The following RYR2 variants were observed in gnomAD, a reference collection of about 807,000 sequenced individuals.
RYR2 encodes the protein cardiac muscle ryanodine receptor-calcium release channel.
RYR2 carries 227 observed loss-of-function variants against 601.1 expected under a neutral mutation model. That is an observed-to-expected ratio of 0.38 (90% CI 0.34 to 0.42). The LOEUF (loss-of-function observed/expected upper bound fraction) is 0.42. Among genes scored for constraint, RYR2 ranks in the 10% least tolerant of loss-of-function variants. RYR2 has a pLI of 1.00. For missense variants in RYR2, 4,646 were observed against 6,156.5 expected (o/e 0.75, Z 8.21); for synonymous variants, 2,223 against 2,175.1 (o/e 1.02, Z -0.61).
intron 16 of RYR2, among the ~76,000 whole-genome samples, chr1:237,459,542 C>G (rs753584598): frequency 2.0e-4 from 30 of 152,290 alleles, no homozygotes; most frequent in Middle Eastern, 3.4e-3. Context: ...TTTATAGTCT[C>G]TGTTCATTGG....
chr1:237,074,057 C>T (rs563455275), intron 1 of RYR2, among the ~76,000 whole-genome samples: 1 of 151,980 alleles, frequency 6.6e-6, no homozygotes, highest in South Asian at 2.1e-4. Flanking sequence ...TGGCTCATGT[C>T]TGTAATCCCA....
chr1:237,175,397 AT>A (rs1051820626), intron 1 of RYR2, among the ~76,000 whole-genome samples: 3 of 151,228 alleles, frequency 2.0e-5, no homozygotes, highest in Admixed American at 6.6e-5. Flanking sequence ...GTGTTTCCAG[AT>A]TTTTTTTTCT....
rs184452245 is a variant in RYR2, at chr1:237,128,784, G to A, written c.48+86215G>A. 6.6e-5 allele frequency among the ~76,000 whole-genome samples: 10 copies of A among 152,270 alleles called. No individual in the cohort carries two copies. In the East Asian group the frequency reaches 1.7e-3, roughly 26 times the overall value. On this transcript the variant is annotated intron_variant, in intron 1 of 104. Transcript: ENST00000366574. Reference sequence around the variant, plus strand: ...CAGAGAGCTGTTGCAGTGATCCAGGGGAGGAATGGTAGTAGCTGGCATCAG... The same window carrying A: ...CAGAGAGCTGTTGCAGTGATCCAGGAGAGGAATGGTAGTAGCTGGCATCAG...
intron 101 of RYR2, among the ~76,000 whole-genome samples, chr1:237,826,727 G>A (rs1313229571): frequency 3.9e-5 from 6 of 152,116 alleles, no homozygotes; most frequent in Non-Finnish European, 8.8e-5. Flanking sequence ...GCTATTAATA[G>A]TATCATTGTT....
At position 237,819,347 on chromosome 1, in the gene RYR2, G is replaced by A. The variant is rs951387122; in HGVS notation, c.14590+155G>A. On this transcript the variant is annotated intron_variant, in intron 101 of 104. Coordinates refer to ENST00000366574, the MANE Select transcript of RYR2 (RefSeq NM_001035.3). This position sits in a 1 kb window ranked among gnomAD's most constrained non-coding sequence, Gnocchi z 4.0. ...GTATTTCTTCATCATGCAATCTACC[G>A]GGGGAAATATAAAGCGGTATGGAAC... Among the ~76,000 whole-genome samples the A allele has an allele frequency of 1.2e-4, 19 of 152,122 alleles. No individual in the cohort carries two copies. The highest frequency in any genetic ancestry group is 9.8e-4 in the Admixed American group (15 of 15,280).
chr1:237,730,773 G>A (rs1249134990), intron 77 of RYR2, among the ~76,000 whole-genome samples: 1 of 152,142 alleles, frequency 6.6e-6, no homozygotes, highest in African/African-American at 2.4e-5. Flanking sequence ...GGCAGAGAAT[G>A]ATAGACTGAA....
chr1:237,160,045 G>A (rs1367912680), intron 1 of RYR2, among the ~76,000 whole-genome samples: 1 of 152,128 alleles, frequency 6.6e-6, no homozygotes. Flanking sequence ...TAGGAAATAG[G>A]AAATGCTCCT....
intron 1 of RYR2, among the ~76,000 whole-genome samples, chr1:237,141,088 A>G (rs141231901): frequency 2.1e-4 from 32 of 152,338 alleles, no homozygotes; most frequent in African/African-American, 7.7e-4. Flanking sequence ...GTGTGAGAAC[A>G]GCTTCTGGAT....
chr1:237,808,431 CG>C (rs1331398227), intron 99 of RYR2, among the ~76,000 whole-genome samples: 1 of 151,928 alleles, frequency 6.6e-6, no homozygotes, highest in African/African-American at 2.4e-5. Flanking sequence ...GATGCCGAGG[CG>C]GGCAGATCGC....
At position 237,185,273 on chromosome 1, in the gene RYR2, G is replaced by A. The variant is rs76701309; in HGVS notation, c.49-85224G>A. On this transcript the variant is annotated intron_variant, in intron 1 of 104. Transcript: ENST00000366574. ...CCTTGGCCTCCCAAATTGCTGTTAC[G>A]GGCATGAGCCACCACACCCGGCTAC... Among the ~76,000 whole-genome samples the A allele has an allele frequency of 9.4e-4, 143 of 151,976 alleles. No homozygotes were observed. The East Asian group carries it at 0.017, about 19-fold the overall frequency.
chr1:237,753,922 T>G (rs989368680), intron 80 of RYR2, among the ~76,000 whole-genome samples: 22 of 125,850 alleles, frequency 1.7e-4, no homozygotes, highest in Non-Finnish European at 2.7e-4. Flanking sequence ...GCTTTCAGAG[T>G]TTTTTTTTTT....
chr1:237,577,551 TG>T (rs1673398621), intron 29 of RYR2, among the ~76,000 whole-genome samples: 2 of 129,534 alleles, frequency 1.5e-5, no homozygotes, highest in Non-Finnish European at 3.5e-5. Flanking sequence ...TGTGTGTGTT[TG>T]AGAGAGAGAG....
intron 13 of RYR2, among the ~76,000 whole-genome samples, chr1:237,441,866 C>G (rs1176407819): frequency 6.7e-6 from 1 of 148,568 alleles, no homozygotes. Flanking sequence ...AGAAATTAAA[C>G]TAAACACAAT....
intron 38 of RYR2, 67 bp downstream of exon 38, chr1:237,617,553 G>C (rs772950648): frequency 1.2e-5 from 17 of 1,451,536 alleles, no homozygotes; most frequent in Non-Finnish European, 1.6e-5. Context: ...TCTCTGCCTT[G>C]CAAAATTATA....
chr1:237,295,038 A>G (rs1244695801), intron 2 of RYR2, among the ~76,000 whole-genome samples: 1 of 151,944 alleles, frequency 6.6e-6, no homozygotes, highest in African/African-American at 2.4e-5. Flanking sequence ...ACATGGCAAA[A>G]CCCCGTCTCT....
chr1:237,715,238 GA>G (rs1313861053), intron 71 of RYR2, among the ~76,000 whole-genome samples: 3 of 152,176 alleles, frequency 2.0e-5, no homozygotes, highest in Admixed American at 6.5e-5. Context: ...TGAATACAGA[GA>G]AACGACAAAA....
chr1:237,619,229 A>T (rs1000366265), intron 38 of RYR2, among the ~76,000 whole-genome samples: 3 of 152,256 alleles, frequency 2.0e-5, no homozygotes, highest in African/African-American at 7.2e-5. Flanking sequence ...GATAACAAAG[A>T]TGTTAAAATT....
intron 1 of RYR2, among the ~76,000 whole-genome samples, chr1:237,151,195 A>G (rs915878329): frequency 1.3e-5 from 2 of 152,178 alleles, no homozygotes; most frequent in East Asian, 1.9e-4. Flanking sequence ...TAAGAAATTC[A>G]TATTCAGATG....
chr1:237,400,101 G>T (rs560107286), intron 10 of RYR2, among the ~76,000 whole-genome samples: 2 of 152,152 alleles, frequency 1.3e-5, no homozygotes, highest in South Asian at 4.2e-4. Flanking sequence ...TAGTAAGTTT[G>T]GGAGATTGTA....
Sources: allele counts gnomAD v4.1 joint callset (sites outside exome capture counted in the v4.1 genomes callset), GRCh38; gene constraint gnomAD v4.1.1; non-coding constraint Gnocchi (gnomAD v3.1); transcripts MANE v1.5; gene names NCBI Gene and HGNC (gene_info 2026-07-23, HGNC 2026-07-21).